Variants in HIP1R observed in about 807,000 individuals in gnomAD.
HIP1R encodes the protein huntingtin interacting protein 1 related.
In HIP1R, 135 loss-of-function variants were observed where a neutral mutation model predicts 144.2. The observed-to-expected ratio is 0.94, with a 90% CI of 0.81 to 1.08. HIP1R has a LOEUF of 1.08. Ranked by LOEUF, HIP1R falls within the 50% of genes least tolerant of loss-of-function variation. The probability of loss-of-function intolerance (pLI) is 0.00; values close to 1 mark genes in which losing one functional copy is unlikely to be tolerated. For missense variants in HIP1R, 1,462 were observed against 1,432.8 expected (o/e 1.02, Z -0.33); for synonymous variants, 698 against 612.8 (o/e 1.14, Z -2.05).
In HIP1R at chr12:122,860,433, C is replaced by A; in HGVS notation, c.2570C>A (p.Thr857Lys). ...TCCCGTCGCCACTAGGGGGCAGCCACGCAGCAGGAATTTTACGCCAAGAAC... is the reference window on the plus strand; with the variant it reads ...TCCCGTCGCCACTAGGGGGCAGCCAAGCAGCAGGAATTTTACGCCAAGAAC... Reference protein sequence around the residue: ...EIVESGRGAATQQEFYAKNSR... With the variant: ...EIVESGRGAAKQQEFYAKNSR... The change falls in exon 27 of 32, where the codon ACG becomes AAG. Residue 857 changes from threonine (T) to lysine (K), a missense_variant. By Grantham distance (78) the Thr-to-Lys change is moderately conservative (BLOSUM62 -1). This residue lies in a region of HIP1R where 1,112 missense variants were observed against 1,011.7 expected (regional missense o/e 1.10). Transcript: ENST00000253083. 6.2e-7 allele frequency: 1 copy of A among 1,613,408 alleles called. No individual in the cohort carries two copies.
chr12:122,855,328 C>A lies in HIP1R; in HGVS notation c.916C>A (p.Pro306Thr). Residue 306 changes from proline to threonine, a missense_variant, in exon 11 of 32, where the codon CCC becomes ACC. Physicochemically the swap from Pro to Thr is conservative, Grantham distance 38. Coordinates refer to ENST00000253083, the MANE Select transcript of HIP1R (RefSeq NM_003959.3). The stretch of plus-strand genomic sequence containing the variant: ...GCACATCAAGCCGGTGGTGGTGATC[C>A]CCGAGGAGGCCCCGGAAGATGAGGA... ...AEHIKPVVVIPEEAPEDEEPE... is the reference protein window; with the variant it reads ...AEHIKPVVVITEEAPEDEEPE... 6.2e-7 allele frequency: 1 copy of A among 1,611,600 alleles called. No individual in the cohort carries two copies. Among genetic ancestry groups the A allele is most frequent in the South Asian group, 1.1e-5 (1 of 90,954 alleles).
At chr12:122,843,808 A>C (rs1044892779) in intron 1 of HIP1R, among the ~76,000 whole-genome samples, 1 of 151,734 alleles carries the variant, frequency 6.6e-6, no homozygotes, top group Non-Finnish European at 1.5e-5. Context: ...GGACCCTCCA[A>C]CTCCCTTCTG....
chr12:122,856,415 TTC>T lies in HIP1R; in HGVS notation c.1402-16_1402-15del. 6.2e-7 allele frequency: 1 copy of T among 1,602,484 alleles called. No homozygotes were observed. On this transcript the variant is annotated splice_polypyrimidine_tract_variant and intron_variant, in intron 15 of 31. Transcript: ENST00000253083. ...GGGGATGGCAGCAGAGCATGAGCCCTTCCCCTGCCCATGCAGAACGCGGACAC... is the reference window on the plus strand; with the variant it reads ...GGGGATGGCAGCAGAGCATGAGCCCTCCCTGCCCATGCAGAACGCGGACAC...
intron 1 of HIP1R, 42 bp downstream of exon 1, chr12:122,835,685 G>GGC: frequency 1.8e-6 from 2 of 1,086,558 alleles, no homozygotes; most frequent in Non-Finnish European, 2.2e-6. Flanking sequence ...GGCGGCGGGC[G>GGC]GGCGGGCAAG....
At chr12:122,838,321 TA>T (rs59855317) in intron 1 of HIP1R, among the ~76,000 whole-genome samples, 792 of 126,634 alleles carry the variant, frequency 6.3e-3, no homozygotes, top group Middle Eastern at 0.022. Context: ...TCCCTTTGGT[TA>T]AAAAAAAAAA....
intron 4 of HIP1R, among the ~76,000 whole-genome samples, chr12:122,849,128 A>C (rs1413783553): frequency 6.6e-6 from 1 of 152,120 alleles, no homozygotes; most frequent in Non-Finnish European, 1.5e-5. Flanking sequence ...CAGCCCGGGC[A>C]CCTCGGTGGT....
intron 4 of HIP1R, 127 bp downstream of exon 4, chr12:122,848,979 G>A: frequency 3.2e-6 from 3 of 932,820 alleles, no homozygotes; most frequent in Non-Finnish European, 5.1e-6. Context: ...GGCGACAGTG[G>A]GAGGGGCAGC....
intron 18 of HIP1R, 81 bp from the exon 19 acceptor site, chr12:122,858,021 C>T (rs1284416997): frequency 4.5e-6 from 6 of 1,337,280 alleles, no homozygotes; most frequent in Middle Eastern, 2.1e-4. Flanking sequence ...CAACTGGTGG[C>T]CCATGGGTCA....
At chr12:122,857,445 G>A (rs2033623270) in intron 18 of HIP1R, 1 of 599,810 alleles carries the variant, frequency 1.7e-6, no homozygotes, top group Admixed American at 2.8e-5. Context: ...CTGCCGTGTG[G>A]ACAGACCACA....
At chr12:122,852,374 G>T (rs1335351580) in intron 7 of HIP1R, among the ~76,000 whole-genome samples, 1 of 152,202 alleles carries the variant, frequency 6.6e-6, no homozygotes, top group Non-Finnish European at 1.5e-5. Flanking sequence ...AGCAGGACAG[G>T]GCTACCAGGC....
Position 122,855,036 on chromosome 12 carries a change from TCCCAC to T in HIP1R, c.777-15_777-11del. The T allele has an allele frequency of 1.2e-6, 2 of 1,613,748 alleles. No homozygotes were observed. Among genetic ancestry groups the T allele is most frequent in the Non-Finnish European group, 1.7e-6 (2 of 1,179,972 alleles). ...CGTGGCCCCTTCCTGAACCCGAACT[TCCCAC>T]CATCTCTGCAGCCTCAGGAACTTCT... On this transcript the variant is annotated splice_polypyrimidine_tract_variant and intron_variant, in intron 9 of 31. Transcript: ENST00000253083.
chr12:122,855,523 G>C (rs766122075), intron 11 of HIP1R, 28 bp from the exon 12 acceptor site: 2 of 1,549,400 alleles, frequency 1.3e-6, no homozygotes, highest in African/African-American at 1.4e-5. Flanking sequence ...GCACAGGTGA[G>C]TGGGGTCACC....
At chr12:122,834,879 T>C (rs2032825406), upstream of HIP1R, 1 of 1,029,076 alleles carries the variant, frequency 9.7e-7, no homozygotes, top group Non-Finnish European at 1.3e-6. Context: ...TGTCATTGTG[T>C]GCCTTTTGAC....
At chr12:122,859,369 T>C in intron 22 of HIP1R, 57 bp from the exon 23 acceptor site, 1 of 1,510,190 alleles carries the variant, frequency 6.6e-7, no homozygotes, top group Non-Finnish European at 9.2e-7. Flanking sequence ...TTTCCCAGGC[T>C]GCCCGTGGGA....
Position 122,859,197 on chromosome 12 carries a change from G to A in HIP1R, c.2295G>A (p.Gln765=). 1 of 1,570,792 alleles carries A rather than the reference G, an allele frequency of 6.4e-7. No individual in the cohort carries two copies. The highest frequency in any genetic ancestry group is 8.6e-7 in the Non-Finnish European group (1 of 1,158,622). The change falls in exon 22 of 32, where the codon CAG becomes CAA. Residue 765 remains glutamine (Q), a splice_region_variant and synonymous_variant. Coordinates refer to ENST00000253083, the MANE Select transcript of HIP1R (RefSeq NM_003959.3). The part of the protein sequence containing the change: ...TPLQGILQLG[Q]ELKPKSLDVR... ...TGCAGGGCATCCTTCAGCTGGGCCA[G>A]GTGAGGCACAGCTGAGTGTGGGTTT... is the stretch of plus-strand genomic sequence containing the variant.
chr12:122,843,772 C>A (rs1163530900), intron 1 of HIP1R, among the ~76,000 whole-genome samples: 1 of 152,204 alleles, frequency 6.6e-6, no homozygotes, highest in Admixed American at 6.5e-5. Context: ...CCTCACTCTG[C>A]TTCTGCCCCT....
At chr12:122,860,336 G>A in intron 26 of HIP1R, 87 bp from the exon 27 acceptor site, 5 of 1,559,326 alleles carry the variant, frequency 3.2e-6, no homozygotes, top group East Asian at 4.5e-5. Context: ...TATGGCCAGA[G>A]TGAGGGGGAG....
At chr12:122,843,533 C>T (rs2033118445) in intron 1 of HIP1R, among the ~76,000 whole-genome samples, 1 of 152,198 alleles carries the variant, frequency 6.6e-6, no homozygotes, top group Admixed American at 6.5e-5. Flanking sequence ...GCCAGCTATC[C>T]TGAGTGTATC....
At chr12:122,838,242 G>GGT (rs772123430) in intron 1 of HIP1R, among the ~76,000 whole-genome samples, 1 of 151,802 alleles carries the variant, frequency 6.6e-6, no homozygotes, top group Non-Finnish European at 1.5e-5. Flanking sequence ...ATTGTTGCAT[G>GGT]GTGTGTGTGT....
Sources: gnomAD v4.1 joint callset for allele counts (sites outside exome capture counted in the v4.1 genomes callset) on GRCh38, gnomAD v4.1.1 for gene constraint, gnomAD v4.1.1 regional missense constraint, MANE v1.5 for transcripts, NCBI Gene and HGNC (gene_info 2026-07-23, HGNC 2026-07-21) for gene names.